The following ZFHX4 variants were observed in gnomAD, a reference collection of about 807,000 sequenced individuals.
ZFHX4 encodes zinc finger homeobox 4.
Under a neutral mutation model 267.6 loss-of-function variants are expected in ZFHX4, and 56 were observed. The observed-to-expected ratio is 0.21, with a 90% CI of 0.17 to 0.26. The LOEUF is 0.26. Ranked by LOEUF, ZFHX4 falls within the 10% of genes least tolerant of loss-of-function variation. ZFHX4 has a pLI of 1.00. For synonymous variants in ZFHX4, 1,778 were observed against 1,665.6 expected (o/e 1.07, Z -1.64); for missense variants, 4,332 against 4,420.0 (o/e 0.98, Z 0.56).
At chr8:76,748,498 G>A (rs766842277) in intron 3 of ZFHX4, among the ~76,000 whole-genome samples, 7 of 152,112 alleles carry the variant, frequency 4.6e-5, no homozygotes, top group East Asian at 1.9e-4. Context: ...GCAGTGGCAC[G>A]ATCACAACTG....
At chr8:76,772,813 T>C (rs1036139660) in intron 3 of ZFHX4, among the ~76,000 whole-genome samples, 1 of 152,156 alleles carries the variant, frequency 6.6e-6, no homozygotes, top group African/African-American at 2.4e-5. Context: ...CTTGCCACAC[T>C]TGCTCTTGCC....
At chr8:76,789,862 G>A (rs1810788116) in intron 4 of ZFHX4, among the ~76,000 whole-genome samples, 1 of 152,102 alleles carries the variant, frequency 6.6e-6, no homozygotes, top group Non-Finnish European at 1.5e-5. Flanking sequence ...CAATTTTTCA[G>A]ATATGAATGC....
At chr8:76,778,169 G>T (rs774468081) in intron 3 of ZFHX4, 39 bp from the exon 4 acceptor site, 1 of 1,372,308 alleles carries the variant, frequency 7.3e-7, no homozygotes, top group South Asian at 1.2e-5. Context: ...CCACCATGGA[G>T]CTAGACCATT....
At chr8:76,734,039 G>C (rs903970373) in intron 3 of ZFHX4, among the ~76,000 whole-genome samples, 1 of 152,072 alleles carries the variant, frequency 6.6e-6, no homozygotes, top group Non-Finnish European at 1.5e-5. Context: ...TATTGGTATT[G>C]CTCTATGAAT....
At position 76,856,506 on chromosome 8, in the gene ZFHX4, GTA is replaced by G. The variant is rs1227513485; in HGVS notation, c.9379+207_9379+208del. 3.4e-4 allele frequency among the ~76,000 whole-genome samples: 52 copies of G among 152,022 alleles called. 1 individual carries two copies. Among genetic ancestry groups the G allele is most frequent in the Non-Finnish European group, 1.3e-4 (9 of 68,008 alleles). On this transcript the variant is annotated intron_variant, in intron 10 of 10. Coordinates refer to ENST00000651372, the MANE Select transcript of ZFHX4 (RefSeq NM_024721.5). ...ACACACACAGAAAAATAAAGACTAG[GTA>G]GATCACAGCAGATTCTCAGATATAT...
Position 76,854,618 on chromosome 8 carries a change from C to G in ZFHX4, c.7697C>G (p.Ser2566Cys). The G allele has an allele frequency of 1.2e-6, 2 of 1,613,716 alleles. No individual in the cohort carries two copies. The highest frequency in any genetic ancestry group is 1.7e-6 in the Non-Finnish European group (2 of 1,179,854). ...CAAATGCCCCCTCAGGCCAGTTCCT[C>G]CCACACCACAGCCCCCACAACGGTT... The part of the protein sequence containing the change: ...LTQMPPQASS[S>C]HTTAPTTVAA... Residue 2566 changes from serine (S) to cysteine (C), a missense_variant, in exon 10 of 11, where the codon TCC becomes TGC. Physicochemically the swap from Ser to Cys is moderately radical, Grantham distance 112 (BLOSUM62 -1). This residue lies in a region of ZFHX4 where 1,648 missense variants were observed against 1,625.0 expected (regional missense o/e 1.01). Transcript: ENST00000651372.
At chr8:76,781,535 G>T (rs1585938414) in intron 4 of ZFHX4, among the ~76,000 whole-genome samples, 1 of 151,924 alleles carries the variant, frequency 6.6e-6, no homozygotes, top group African/African-American at 2.4e-5. Flanking sequence ...TCTTAAACTG[G>T]GTTTCTTAAC....
At chr8:76,838,330 A>G (rs1812145463) in intron 5 of ZFHX4, among the ~76,000 whole-genome samples, 1 of 152,210 alleles carries the variant, frequency 6.6e-6, no homozygotes. Context: ...GTGACACTCT[A>G]AAGTGTAAGA....
chr8:76,858,750 A>G (rs1048216329), intron 10 of ZFHX4, among the ~76,000 whole-genome samples: 4 of 152,248 alleles, frequency 2.6e-5, no homozygotes, highest in African/African-American at 7.2e-5. Context: ...AGAGATAAAC[A>G]TACCAGTTAA....
At position 76,853,175 on chromosome 8, in the gene ZFHX4, C is replaced by T. The variant is rs1249192739; in HGVS notation, c.6254C>T (p.Pro2085Leu). 2 of 1,552,302 alleles carry T rather than the reference C, an allele frequency of 1.3e-6. No homozygotes were observed. The highest frequency in any genetic ancestry group is 8.7e-7 in the Non-Finnish European group (1 of 1,147,608). ...LPLFPSIMMQ[P>L]VQHPALPPQL... ...CTCTTTCCTTCCATTATGATGCAAC[C>T]TGTGCAACACCCTGCGCTTCCTCCC... Residue 2085 changes from proline (P) to leucine (L), a missense_variant, in exon 10 of 11, where the codon CCT becomes CTT. This residue lies in a region of ZFHX4 where 1,371 missense variants were observed against 1,423.1 expected (regional missense o/e 0.96). Transcript: ENST00000651372.
intron 5 of ZFHX4, among the ~76,000 whole-genome samples, chr8:76,834,952 T>C (rs1225547927): frequency 6.6e-6 from 1 of 151,532 alleles, no homozygotes; most frequent in South Asian, 2.1e-4. Flanking sequence ...TGGACTCTTT[T>C]TTTTTTCTTT....
Position 76,816,910 on chromosome 8 carries a change from T to C in ZFHX4, c.3326-16428T>C, listed in dbSNP as rs200574906. Among the ~76,000 whole-genome samples, 6 of 152,264 alleles carry C rather than the reference T, an allele frequency of 3.9e-5. No homozygotes were observed. The East Asian group carries it at 9.7e-4, about 25-fold the overall frequency. ...CGTGCCCAGCCTTAAATGTCTTTTATGCTATAAGTTAAAATGTCTAACTCT... is the reference window on the plus strand; with the variant it reads ...CGTGCCCAGCCTTAAATGTCTTTTACGCTATAAGTTAAAATGTCTAACTCT... On this transcript the variant is annotated intron_variant, in intron 4 of 10. Transcript: ENST00000651372.
intron 4 of ZFHX4, 48 bp downstream of exon 4, chr8:76,778,487 TTCA>T: frequency 1.4e-6 from 2 of 1,398,586 alleles, no homozygotes; most frequent in Non-Finnish European, 2.0e-6. Context: ...TCCACACCAC[TTCA>T]TCACACACAC....
chr8:76,744,534 T>G (rs1033091488), intron 3 of ZFHX4, among the ~76,000 whole-genome samples: 3 of 152,004 alleles, frequency 2.0e-5, no homozygotes, highest in African/African-American at 2.4e-5. Flanking sequence ...CACCTCAGCC[T>G]TCCAAGTAGC....
chr8:76,693,676 G>A (rs1471659275), intron 1 of ZFHX4, among the ~76,000 whole-genome samples: 1 of 152,204 alleles, frequency 6.6e-6, no homozygotes, highest in African/African-American at 2.4e-5. Flanking sequence ...CAATTCCTGT[G>A]CTGACTGCTC....
chr8:76,685,901 C>T (rs569618458), intron 1 of ZFHX4, among the ~76,000 whole-genome samples: 1 of 152,248 alleles, frequency 6.6e-6, no homozygotes, highest in African/African-American at 2.4e-5. Flanking sequence ...TCTTCAATTC[C>T]TTTTACATTT....
intron 3 of ZFHX4, among the ~76,000 whole-genome samples, chr8:76,718,865 C>A (rs1207342479): frequency 6.6e-6 from 1 of 151,222 alleles, no homozygotes; most frequent in Non-Finnish European, 1.5e-5. Flanking sequence ...TTATGACTAC[C>A]CCCTTAATTA....
At chr8:76,798,887 T>TA (rs1284360178) in intron 4 of ZFHX4, among the ~76,000 whole-genome samples, 4 of 152,164 alleles carry the variant, frequency 2.6e-5, no homozygotes, top group African/African-American at 9.7e-5. Flanking sequence ...GTGTCATACT[T>TA]ACAGCAGATA....
Position 76,850,364 on chromosome 8 carries a change from T to C in ZFHX4, c.3964+2T>C. The C allele has an allele frequency of 6.2e-7, 1 of 1,603,452 alleles. No individual in the cohort carries two copies. Among genetic ancestry groups the C allele is most frequent in the Non-Finnish European group, 8.5e-7 (1 of 1,173,910 alleles). Reference sequence around the variant, plus strand: ...CTGAGGGGTCTGGGAAATATTCAGGTATGCCATCTTATCATCAAGACTTGT... The same window carrying C: ...CTGAGGGGTCTGGGAAATATTCAGGCATGCCATCTTATCATCAAGACTTGT... On this transcript the variant is annotated splice_donor_variant, in intron 9 of 10. Coordinates refer to ENST00000651372, the MANE Select transcript of ZFHX4 (RefSeq NM_024721.5). LOFTEE classifies it high-confidence loss of function.
Sources: gnomAD v4.1 joint callset for allele counts (sites outside exome capture counted in the v4.1 genomes callset) on GRCh38, gnomAD v4.1.1 for gene constraint, gnomAD v4.1.1 regional missense constraint, MANE v1.5 for transcripts, NCBI Gene and HGNC (gene_info 2026-07-23, HGNC 2026-07-21) for gene names.